GPHN: variants seen among roughly 807,000 people sequenced by gnomAD.
GPHN encodes gephyrin.
In GPHN, 17 loss-of-function variants were observed where a neutral mutation model predicts 95.5. That is an observed-to-expected ratio of 0.18 (90% CI 0.12 to 0.27). The LOEUF (loss-of-function observed/expected upper bound fraction) is 0.27. Ranked by LOEUF, GPHN falls within the 10% of genes least tolerant of loss-of-function variation. The pLI is 1.00. For synonymous variants in GPHN, 320 were observed against 322.5 expected (o/e 0.99, Z 0.08); for missense variants, 660 against 978.1 (o/e 0.67, Z 4.34).
At chr14:67,468,052 C>T in the GPHN span, among the ~76,000 whole-genome samples, 5 of 152,108 alleles carry the variant, frequency 3.3e-5, no homozygotes, top group Non-Finnish European at 7.4e-5. Flanking sequence ...CGGCTCACTG[C>T]AACCTCTGCC....
the GPHN span, among the ~76,000 whole-genome samples, chr14:67,197,849 T>C: frequency 6.6e-6 from 1 of 152,124 alleles, no homozygotes; most frequent in Non-Finnish European, 1.5e-5. Flanking sequence ...CTGGTCATTT[T>C]TTACTATATG....
At chr14:66,628,726 G>T (rs2063616422) in intron 1 of GPHN, among the ~76,000 whole-genome samples, 2 of 151,716 alleles carry the variant, frequency 1.3e-5, no homozygotes, top group African/African-American at 4.8e-5. Context: ...TGACTCTTTT[G>T]TAATAATGCT....
chr14:66,672,065 TA>T (rs1288739537), intron 1 of GPHN, among the ~76,000 whole-genome samples: 1 of 152,140 alleles, frequency 6.6e-6, no homozygotes, highest in Non-Finnish European at 1.5e-5. Context: ...TCTTCTTTTC[TA>T]ATATATGCAT....
At chr14:67,318,139 G>A in the GPHN span, among the ~76,000 whole-genome samples, 3 of 152,078 alleles carry the variant, frequency 2.0e-5, no homozygotes, top group African/African-American at 7.2e-5. Context: ...CTTCTGTTTG[G>A]TTCACATTAG....
At chr14:66,853,623 C>G (rs2062684933) in intron 4 of GPHN, among the ~76,000 whole-genome samples, 1 of 152,164 alleles carries the variant, frequency 6.6e-6, no homozygotes, top group Admixed American at 6.5e-5. Flanking sequence ...CCACAAGAAC[C>G]AATGGGGGAA....
At chr14:67,667,611 G>A in the GPHN span, among the ~76,000 whole-genome samples, 2 of 152,156 alleles carry the variant, frequency 1.3e-5, no homozygotes, top group African/African-American at 2.4e-5. Flanking sequence ...TAAATACTTA[G>A]GAAGAACCTA....
chr14:66,619,392 T>C (rs1018820312), intron 1 of GPHN, among the ~76,000 whole-genome samples: 21 of 152,152 alleles, frequency 1.4e-4, no homozygotes, highest in African/African-American at 5.1e-4. Flanking sequence ...GTTTGGTCTT[T>C]TAAATTTTAA....
chr14:67,463,677 G>A, the GPHN span, among the ~76,000 whole-genome samples: 7 of 147,758 alleles, frequency 4.7e-5, no homozygotes, highest in East Asian at 2.0e-4. Context: ...TTGCTGTGCC[G>A]AGCTAGCATC....
chr14:67,363,037 C>T, the GPHN span, among the ~76,000 whole-genome samples: 1 of 152,288 alleles, frequency 6.6e-6, no homozygotes, highest in Non-Finnish European at 1.5e-5. Flanking sequence ...AAAAGCATCA[C>T]CTTTACTGTT....
chr14:67,629,378 T>G, the GPHN span, among the ~76,000 whole-genome samples: 1 of 152,178 alleles, frequency 6.6e-6, no homozygotes, highest in Non-Finnish European at 1.5e-5. Context: ...TGACATATGC[T>G]GCAATATGGG....
intron 8 of GPHN, among the ~76,000 whole-genome samples, chr14:66,935,934 A>G (rs1039144630): frequency 6.6e-6 from 1 of 152,160 alleles, no homozygotes; most frequent in Non-Finnish European, 1.5e-5. Context: ...AGAACATGGA[A>G]CTACTTAGTG....
chr14:67,292,457 G>T, the GPHN span: 6 of 1,224,274 alleles, frequency 4.9e-6, no homozygotes, highest in Non-Finnish European at 7.1e-6. Context: ...GAAAATGCAT[G>T]TTGAATTAAT....
At chr14:67,524,304 A>G in the GPHN span, among the ~76,000 whole-genome samples, 1 of 152,178 alleles carries the variant, frequency 6.6e-6, no homozygotes, top group African/African-American at 2.4e-5. Flanking sequence ...CACTGGGCCC[A>G]CTGGACCCCA....
At chr14:66,875,094 G>T (rs1483896810) in intron 4 of GPHN, among the ~76,000 whole-genome samples, 2 of 152,160 alleles carry the variant, frequency 1.3e-5, no homozygotes, top group African/African-American at 4.8e-5. Context: ...AGAGTGGGTG[G>T]CCAATATTCA....
intron 13 of GPHN, among the ~76,000 whole-genome samples, chr14:67,109,073 A>G (rs921714715): frequency 6.6e-6 from 1 of 152,206 alleles, no homozygotes. Context: ...ACAAACCTGC[A>G]CAGCATATTA....
intron 1 of GPHN, among the ~76,000 whole-genome samples, chr14:66,669,361 T>C (rs2066166877): frequency 8.1e-6 from 1 of 123,170 alleles, no homozygotes; most frequent in Non-Finnish European, 1.5e-5. Context: ...TGAAACTCTG[T>C]CTCAAAAAAA....
chr14:67,269,667 A>G, the GPHN span: 13 of 152,698 alleles, frequency 8.5e-5, no homozygotes, highest in Non-Finnish European at 1.6e-4. Flanking sequence ...AGACATGTAC[A>G]TTTGATCAAT....
chr14:67,246,690 C>T, the GPHN span, among the ~76,000 whole-genome samples: 6 of 124,466 alleles, frequency 4.8e-5, no homozygotes, highest in Admixed American at 2.0e-4. Context: ...CTTGCTCTCT[C>T]GCCAGGCTGG....
the GPHN span, among the ~76,000 whole-genome samples, chr14:67,703,193 A>T: frequency 8.8e-3 from 1,344 of 152,292 alleles, 17 homozygotes; most frequent in Middle Eastern, 0.031. Flanking sequence ...AGATAGTTGG[A>T]TCTAAATTAT....
Sources: gnomAD v4.1 joint callset for allele counts (sites outside exome capture counted in the v4.1 genomes callset) on GRCh38, gnomAD v4.1.1 for gene constraint, MANE v1.5 for transcripts, NCBI Gene and HGNC (gene_info 2026-07-23, HGNC 2026-07-21) for gene names.